Variants in GBE1 observed in about 807,000 individuals in gnomAD.
GBE1 encodes the protein 1,4-alpha-glucan branching enzyme 1, also known as 1,4-alpha-glucan-branching enzyme.
Under a neutral mutation model 88.8 loss-of-function variants are expected in GBE1, and 70 were observed. That is an observed-to-expected ratio of 0.79 (90% CI 0.65 to 0.96). GBE1 has a LOEUF of 0.96. GBE1 is among the 40% of genes least tolerant of loss of function. The pLI, the probability that GBE1 is intolerant of heterozygous loss-of-function variation, is 0.00. For synonymous variants in GBE1, 284 were observed against 300.1 expected, an observed-to-expected ratio of 0.95 and a Z score of 0.56; for missense variants, 872 against 871.0, an observed-to-expected ratio of 1.00 and a Z score of -0.01.
chr3:81,650,767 T>G (rs1704837480), intron 3 of GBE1, among the ~76,000 whole-genome samples: 1 of 152,168 alleles, frequency 6.6e-6, no homozygotes, highest in Admixed American at 6.5e-5. Context: ...CAGGCTCAGG[T>G]GATCCTCCCA....
chr3:81,667,379 T>C (rs1325515394), intron 3 of GBE1, among the ~76,000 whole-genome samples: 1 of 152,206 alleles, frequency 6.6e-6, no homozygotes, highest in Non-Finnish European at 1.5e-5. Flanking sequence ...TATAGAAACA[T>C]GTCATCTGCA....
chr3:81,608,699 G>A (rs1272857656), intron 7 of GBE1, among the ~76,000 whole-genome samples: 2 of 152,242 alleles, frequency 1.3e-5, no homozygotes, highest in South Asian at 2.1e-4. Context: ...CAGTCTGCAT[G>A]CTGGGATAAA....
chr3:81,530,066 C>T (rs114204507), intron 14 of GBE1, among the ~76,000 whole-genome samples: 1,519 of 151,844 alleles, frequency 0.01, 27 homozygotes, highest in African/African-American at 0.034. Context: ...TGTCTTCAAG[C>T]TCACTAATTC....
rs1328488984 is a variant in GBE1, at chr3:81,748,982, G to A, written c.143+12393C>T. Among the ~76,000 whole-genome samples, 7 of 147,990 alleles carry A rather than the reference G, an allele frequency of 4.7e-5. No individual in the cohort carries two copies. The South Asian group carries it at 1.5e-3, about 32-fold the overall frequency. On this transcript the variant is annotated intron_variant, in intron 1 of 15. Coordinates refer to ENST00000429644, the MANE Select transcript of GBE1 (RefSeq NM_000158.4). ...AGACGGTACCACTGCACTCCAGCCT[G>A]GTGACAGAGCAAGACTCTGTCTCAA...
intron 2 of GBE1, among the ~76,000 whole-genome samples, chr3:81,692,632 ACTTT>A (rs1705538259): frequency 1.3e-5 from 2 of 152,172 alleles, no homozygotes; most frequent in African/African-American, 2.4e-5. Context: ...AGTTTCAGAA[ACTTT>A]CTTTATATGT....
At chr3:81,537,736 C>T (rs1372786045) in intron 12 of GBE1, among the ~76,000 whole-genome samples, 1 of 151,878 alleles carries the variant, frequency 6.6e-6, no homozygotes, top group South Asian at 2.1e-4. Flanking sequence ...ATGAATTTTC[C>T]GTATTTCTTT....
chr3:81,552,009 C>A (rs1703278739), intron 12 of GBE1, among the ~76,000 whole-genome samples: 1 of 152,202 alleles, frequency 6.6e-6, no homozygotes, highest in Non-Finnish European at 1.5e-5. Context: ...AGTCCTCCCC[C>A]TGATAAATTA....
chr3:81,713,580 C>T (rs182034186), intron 1 of GBE1, among the ~76,000 whole-genome samples: 238 of 152,176 alleles, frequency 1.6e-3, no homozygotes, highest in African/African-American at 4.9e-3. Context: ...ATTAAGTAAA[C>T]GATTAAGCAC....
chr3:81,506,503 A>C (rs149542001), intron 14 of GBE1, among the ~76,000 whole-genome samples: 22 of 152,306 alleles, frequency 1.4e-4, no homozygotes, highest in African/African-American at 5.1e-4. Flanking sequence ...TGTGGAAGAC[A>C]GTGTGGTGAT....
chr3:81,523,319 G>A (rs1702898281), intron 14 of GBE1, among the ~76,000 whole-genome samples: 1 of 150,920 alleles, frequency 6.6e-6, no homozygotes, highest in Admixed American at 6.6e-5. Context: ...TCCATTTGTT[G>A]ACAATGATAA....
intron 11 of GBE1, among the ~76,000 whole-genome samples, chr3:81,579,593 G>A (rs1703693117): frequency 6.6e-6 from 1 of 152,186 alleles, no homozygotes; most frequent in Non-Finnish European, 1.5e-5. Context: ...GTTTGCAATA[G>A]AAAGCTATAA....
At chr3:81,601,886 T>C (rs1268020692) in intron 7 of GBE1, among the ~76,000 whole-genome samples, 1 of 152,220 alleles carries the variant, frequency 6.6e-6, no homozygotes, top group Non-Finnish European at 1.5e-5. Flanking sequence ...CTACCTGCTT[T>C]GTACCAGGCA....
chr3:81,627,383 G>C (rs943990216), intron 7 of GBE1, among the ~76,000 whole-genome samples: 1 of 152,152 alleles, frequency 6.6e-6, no homozygotes, highest in African/African-American at 2.4e-5. Context: ...TTGCCCTGCT[G>C]AAACTTTTAT....
At chr3:81,745,030 C>T (rs2107224362) in intron 1 of GBE1, among the ~76,000 whole-genome samples, 1 of 152,200 alleles carries the variant, frequency 6.6e-6, no homozygotes, top group South Asian at 2.1e-4. Flanking sequence ...GATTAAATAT[C>T]TACTCTGTGT....
At chr3:81,563,349 C>T (rs747694914) in intron 12 of GBE1, among the ~76,000 whole-genome samples, 39 of 152,136 alleles carry the variant, frequency 2.6e-4, no homozygotes, top group South Asian at 2.1e-4. Context: ...ATTAACAACA[C>T]GGCAGAAATA....
intron 1 of GBE1, among the ~76,000 whole-genome samples, chr3:81,735,341 G>A (rs1706244056): frequency 6.6e-6 from 1 of 152,196 alleles, no homozygotes; most frequent in Admixed American, 6.5e-5. Flanking sequence ...TGTTTGTAGG[G>A]ATGTAGCACT....
chr3:81,599,923 T>C (rs927487689), intron 7 of GBE1, among the ~76,000 whole-genome samples: 3 of 152,196 alleles, frequency 2.0e-5, no homozygotes, highest in Non-Finnish European at 4.4e-5. Context: ...ACAATTCATA[T>C]ACTCCTTTTT....
At chr3:81,711,380 AG>A (rs1383705052) in intron 1 of GBE1, among the ~76,000 whole-genome samples, 4 of 152,240 alleles carry the variant, frequency 2.6e-5, no homozygotes, top group African/African-American at 9.6e-5. Context: ...ATAGGGTTAA[AG>A]GAGTGGAGAG....
chr3:81,671,626 A>G (rs1422133824), intron 2 of GBE1, among the ~76,000 whole-genome samples: 1 of 152,048 alleles, frequency 6.6e-6, no homozygotes, highest in Non-Finnish European at 1.5e-5. Context: ...AAAATAAAAT[A>G]AAATAGATCT....
Sources: gnomAD v4.1 joint callset for allele counts (sites outside exome capture counted in the v4.1 genomes callset) on GRCh38, gnomAD v4.1.1 for gene constraint, MANE v1.5 for transcripts, NCBI Gene and HGNC (gene_info 2026-07-23, HGNC 2026-07-21) for gene names.